Variants in PTPRD observed in about 807,000 individuals in gnomAD.
PTPRD encodes protein tyrosine phosphatase receptor type D.
Under a neutral mutation model 214.5 loss-of-function variants are expected in PTPRD, and 34 were observed. The ratio of observed to expected loss-of-function variants is 0.16; its 90% CI spans 0.12 to 0.21. PTPRD has a LOEUF of 0.21. Ranked by LOEUF, PTPRD falls within the 10% of genes least tolerant of loss-of-function variation. The pLI is 1.00. For missense variants in PTPRD, 2,545 were observed against 2,398.7 expected (o/e 1.06, Z -1.27); for synonymous variants, 1,128 against 845.7 (o/e 1.33, Z -5.79).
chr9:9,360,536 A>T (rs1250880363), intron 9 of PTPRD, among the ~76,000 whole-genome samples: 5 of 151,112 alleles, frequency 3.3e-5, no homozygotes, highest in Non-Finnish European at 7.4e-5. Context: ...TACATCTCTG[A>T]AATAGGTAAA....
At chr9:8,577,081 A>G (rs533642888) in intron 14 of PTPRD, among the ~76,000 whole-genome samples, 52 of 152,180 alleles carry the variant, frequency 3.4e-4, no homozygotes, top group African/African-American at 1.2e-3. Context: ...TTTTTGCTTC[A>G]AAGACTACCC....
intron 8 of PTPRD, among the ~76,000 whole-genome samples, chr9:9,522,715 A>T (rs1414916727): frequency 6.6e-6 from 1 of 152,196 alleles, no homozygotes; most frequent in Non-Finnish European, 1.5e-5. Flanking sequence ...CTTTTACTGG[A>T]GAGTAAATTA....
At chr9:9,142,920 A>C (rs1282282079) in intron 10 of PTPRD, among the ~76,000 whole-genome samples, 1 of 152,004 alleles carries the variant, frequency 6.6e-6, no homozygotes, top group Non-Finnish European at 1.5e-5. Flanking sequence ...TTCAACCCCT[A>C]GGGAACACAG....
At chr9:8,739,943 A>T (rs895608164) in intron 11 of PTPRD, among the ~76,000 whole-genome samples, 1 of 152,136 alleles carries the variant, frequency 6.6e-6, no homozygotes, top group Non-Finnish European at 1.5e-5. Flanking sequence ...CTCCACCATG[A>T]TTGTGAGGCG....
intron 3 of PTPRD, among the ~76,000 whole-genome samples, chr9:10,260,114 G>A (rs2093597676): frequency 6.6e-6 from 1 of 152,138 alleles, no homozygotes; most frequent in Admixed American, 6.5e-5. Context: ...AAAAAAAATT[G>A]TTTATCTGAA....
At chr9:9,228,617 C>A (rs950644403) in intron 9 of PTPRD, among the ~76,000 whole-genome samples, 1 of 151,872 alleles carries the variant, frequency 6.6e-6, no homozygotes, top group African/African-American at 2.4e-5. Context: ...CTTGCTAGTT[C>A]TATGAACTTG....
intron 8 of PTPRD, among the ~76,000 whole-genome samples, chr9:9,539,357 G>T (rs769815997): frequency 1.3e-5 from 2 of 151,794 alleles, no homozygotes; most frequent in Non-Finnish European, 2.9e-5. Context: ...TTGAAAAAAG[G>T]AAAGACATCG....
intron 10 of PTPRD, among the ~76,000 whole-genome samples, chr9:9,024,342 TTTTTTGTTTG>T (rs1421082228): frequency 2.8e-5 from 2 of 70,942 alleles, no homozygotes; most frequent in East Asian, 4.6e-4. Flanking sequence ...TTCTTTGTTT[TTTTTTGTTTG>T]TTTTTTTTTT....
At chr9:9,884,612 T>C (rs1283088343) in intron 5 of PTPRD, among the ~76,000 whole-genome samples, 1 of 152,078 alleles carries the variant, frequency 6.6e-6, no homozygotes, top group Non-Finnish European at 1.5e-5. Flanking sequence ...AGTGATATGG[T>C]TTGGCTGTGT....
At chr9:9,428,185 A>G (rs964088546) in intron 8 of PTPRD, among the ~76,000 whole-genome samples, 9 of 152,224 alleles carry the variant, frequency 5.9e-5, no homozygotes, top group Admixed American at 4.6e-4. Context: ...GTGCAGAGAC[A>G]CACAGGCTCA....
chr9:10,586,140 T>G (rs1289223447), intron 2 of PTPRD, among the ~76,000 whole-genome samples: 1 of 152,068 alleles, frequency 6.6e-6, no homozygotes, highest in Non-Finnish European at 1.5e-5. Context: ...ATTCAAAAAT[T>G]TTTCTGAGAA....
intron 5 of PTPRD, among the ~76,000 whole-genome samples, chr9:9,818,562 A>G (rs1215149344): frequency 2.0e-5 from 3 of 152,158 alleles, no homozygotes; most frequent in Non-Finnish European, 4.4e-5. Context: ...CAGACGATTT[A>G]GGAAAACTAC....
chr9:8,944,678 C>T (rs537306227), intron 11 of PTPRD, among the ~76,000 whole-genome samples: 2 of 151,962 alleles, frequency 1.3e-5, no homozygotes, highest in Non-Finnish European at 2.9e-5. Context: ...TGTTCACACT[C>T]ATTTGTGAGA....
chr9:10,565,850 C>A (rs911786386), intron 2 of PTPRD, among the ~76,000 whole-genome samples: 64 of 150,980 alleles, frequency 4.2e-4, no homozygotes, highest in African/African-American at 1.4e-3. Flanking sequence ...ATGCACACAC[C>A]CACACACACA....
chr9:9,221,009 C>T (rs1187794545), intron 9 of PTPRD, among the ~76,000 whole-genome samples: 1 of 152,072 alleles, frequency 6.6e-6, no homozygotes, highest in Non-Finnish European at 1.5e-5. Context: ...GCCATGACAA[C>T]TGCCTTCAGT....
At chr9:10,538,334 T>C (rs1034545452) in intron 2 of PTPRD, among the ~76,000 whole-genome samples, 48 of 151,752 alleles carry the variant, frequency 3.2e-4, no homozygotes, top group Non-Finnish European at 5.7e-4. Context: ...AAAGAGATGA[T>C]GAAGAAAAAC....
intron 3 of PTPRD, among the ~76,000 whole-genome samples, chr9:10,325,741 T>A (rs2096631851): frequency 6.6e-6 from 1 of 151,936 alleles, no homozygotes; most frequent in Admixed American, 6.6e-5. Context: ...ATACATATCA[T>A]ATTCAATAAT....
chr9:10,273,785 AG>A (rs1428551707), intron 3 of PTPRD, among the ~76,000 whole-genome samples: 2 of 152,122 alleles, frequency 1.3e-5, no homozygotes, highest in Non-Finnish European at 2.9e-5. Context: ...TATGGTTATC[AG>A]GTAGTAGCAT....
intron 35 of PTPRD, among the ~76,000 whole-genome samples, chr9:8,435,492 G>A (rs563717934): frequency 1.3e-5 from 2 of 152,094 alleles, no homozygotes; most frequent in African/African-American, 2.4e-5. Context: ...GGGCTGCCCA[G>A]GTACCCAATA....
Sources: gnomAD v4.1 joint callset for allele counts (sites outside exome capture counted in the v4.1 genomes callset) on GRCh38, gnomAD v4.1.1 for gene constraint, MANE v1.5 for transcripts, NCBI Gene and HGNC (gene_info 2026-07-23, HGNC 2026-07-21) for gene names.